RSPH10B2: variants seen among roughly 807,000 people sequenced by gnomAD.
The protein encoded by RSPH10B2 is radial spoke head 10 homolog B2 (Chlamydomonas).
RSPH10B2 carries 9 observed loss-of-function variants against 49.0 expected under a neutral mutation model. The observed-to-expected ratio is 0.18, with a 90% CI of 0.11 to 0.32. The LOEUF (loss-of-function observed/expected upper bound fraction) is 0.32. RSPH10B2 is among the 10% of genes least tolerant of loss of function. RSPH10B2 has a pLI of 1.00. For synonymous variants in RSPH10B2, 35 were observed against 210.2 expected (o/e 0.17, Z 7.21); for missense variants, 95 against 589.9 (o/e 0.16, Z 8.69).
chr7:6,758,128 C>T (rs1434099551), intron 1 of RSPH10B2, among the ~76,000 whole-genome samples, 197 bp downstream of exon 3: 1 of 148,494 alleles, frequency 6.7e-6, no homozygotes, highest in Admixed American at 6.7e-5. Flanking sequence ...TACAGGTGCC[C>T]GCCACCATGC....
chr7:6,756,142 T>A (rs1347397022), upstream of RSPH10B2, among the ~76,000 whole-genome samples: 22 of 142,768 alleles, frequency 1.5e-4, no homozygotes, highest in Non-Finnish European at 2.8e-4. Context: ...TGGTGGTGGG[T>A]GCCTGTAGTC....
intron 13 of RSPH10B2, among the ~76,000 whole-genome samples, 154 bp from the exon 16 acceptor site, chr7:6,785,795 A>G (rs1230427875): frequency 2.0e-5 from 3 of 151,692 alleles, no homozygotes; most frequent in Non-Finnish European, 4.4e-5. Context: ...ACTGCCTAGC[A>G]GCCTGGGCGA....
chr7:6,756,092 C>T (rs1256355434), upstream of RSPH10B2, among the ~76,000 whole-genome samples: 2 of 150,464 alleles, frequency 1.3e-5, no homozygotes, highest in Non-Finnish European at 2.9e-5. Flanking sequence ...CCCGGTGAAA[C>T]CCCGTCTCTA....
At chr7:6,796,215 G>A (rs1410919995) in intron 17 of RSPH10B2, among the ~76,000 whole-genome samples, 1 of 116,236 alleles carries the variant, frequency 8.6e-6, no homozygotes, top group Non-Finnish European at 1.8e-5. Context: ...TCGGGAGGCT[G>A]AGGCATGAGA....
intron 9 of RSPH10B2, among the ~76,000 whole-genome samples, chr7:6,774,920 CT>C (rs1781723697): frequency 6.6e-6 from 1 of 151,184 alleles, no homozygotes; most frequent in Admixed American, 6.6e-5. Context: ...GCACTTGCTA[CT>C]GTGTCTGGTT....
chr7:6,772,036 AG>A (rs1233853269), intron 8 of RSPH10B2, among the ~76,000 whole-genome samples: 4 of 141,194 alleles, frequency 2.8e-5, no homozygotes, highest in African/African-American at 1.0e-4. Context: ...AAAAAAAAAA[AG>A]AAATAAAATT....
chr7:6,760,448 TG>T (rs1781226646), intron 3 of RSPH10B2, among the ~76,000 whole-genome samples, 154 bp downstream of exon 5: 1 of 90,104 alleles, frequency 1.1e-5, no homozygotes, highest in Admixed American at 1.3e-4. Context: ...CATGACTGCA[TG>T]GGACCCGCCA....
chr7:6,786,361 T>G (rs1295604179), intron 14 of RSPH10B2, among the ~76,000 whole-genome samples: 2 of 123,612 alleles, frequency 1.6e-5, no homozygotes, highest in Non-Finnish European at 3.3e-5. Context: ...TTTTTTTTTT[T>G]TTGTATTTTT....
chr7:6,781,883 T>A (rs1374005616), intron 13 of RSPH10B2, among the ~76,000 whole-genome samples: 4 of 108,322 alleles, frequency 3.7e-5, no homozygotes, highest in Non-Finnish European at 7.4e-5. Flanking sequence ...TATATATATA[T>A]AAATATATAT....
At position 6,797,420 on chromosome 7, in the gene RSPH10B2, C is replaced by T. The variant is rs370441401; in HGVS notation, c.2432+654C>T. 7.6e-4 allele frequency among the ~76,000 whole-genome samples: 115 copies of T among 152,316 alleles called. No homozygotes were observed. In the East Asian group the frequency reaches 0.014, roughly 19 times the overall value. The stretch of plus-strand genomic sequence containing the variant: ...GGCCCTCGATAGCTTCTCGCTGGAG[C>T]TGGTTGCCAGGAAACCAACCACGAG... On this transcript the variant is annotated intron_variant, in intron 18 of 18. Transcript: ENST00000297186.
chr7:6,785,180 TGTGTGTGTGTG>T (rs1321545167), intron 13 of RSPH10B2, among the ~76,000 whole-genome samples: 2 of 111,908 alleles, frequency 1.8e-5, no homozygotes, highest in African/African-American at 6.5e-5. Context: ...TGTGTGTGTG[TGTGTGTGTGTG>T]TTTGAGACAG....
At chr7:6,764,740 T>G (rs1781403114) in intron 4 of RSPH10B2, among the ~76,000 whole-genome samples, 1 of 145,018 alleles carries the variant, frequency 6.9e-6, no homozygotes. Context: ...GTGTGTGTGT[T>G]TTACAGCAGA....
chr7:6,782,589 C>T (rs1485596546), intron 13 of RSPH10B2, among the ~76,000 whole-genome samples: 1 of 120,132 alleles, frequency 8.3e-6, no homozygotes, highest in Non-Finnish European at 1.7e-5. Flanking sequence ...GTTGCCTGAT[C>T]CTAGAATAGC....
At chr7:6,777,781 G>GT (rs1781802700) in intron 10 of RSPH10B2, among the ~76,000 whole-genome samples, 1 of 127,224 alleles carries the variant, frequency 7.9e-6, no homozygotes. Context: ...TGCCAAAAAG[G>GT]TTGGGGACCT....
chr7:6,791,743 CAAAAA>C (rs146980235), intron 16 of RSPH10B2, among the ~76,000 whole-genome samples, 156 bp from the exon 19 acceptor site: 4 of 27,382 alleles, frequency 1.5e-4, no homozygotes, highest in African/African-American at 5.0e-4. Flanking sequence ...GACTCTGTCT[CAAAAA>C]AAAAAAAAAA....
intron 6 of RSPH10B2, among the ~76,000 whole-genome samples, chr7:6,768,094 A>AGGTG (rs1781517882): frequency 7.8e-6 from 1 of 128,710 alleles, no homozygotes. Context: ...TGGGAGGCTG[A>AGGTG]GGATCACTTG....
At chr7:6,776,902 C>CACACAA (rs1781763822) in intron 10 of RSPH10B2, among the ~76,000 whole-genome samples, 1 of 141,170 alleles carries the variant, frequency 7.1e-6, no homozygotes, top group African/African-American at 2.6e-5. Flanking sequence ...CACACACACA[C>CACACAA]ACACACACAC....
intron 17 of RSPH10B2, among the ~76,000 whole-genome samples, chr7:6,793,317 A>T (rs183161656): frequency 0.016 from 1,803 of 114,638 alleles, 488 homozygotes; most frequent in African/African-American, 0.059. Context: ...GTCCCAAAGC[A>T]CTGGGATTAC....
intron 17 of RSPH10B2, among the ~76,000 whole-genome samples, chr7:6,793,063 ATT>A (rs778318872): frequency 3.9e-4 from 25 of 64,802 alleles, no homozygotes; most frequent in Non-Finnish European, 2.5e-4. Flanking sequence ...GCCCCTGGGC[ATT>A]TTTTTTTTTT....
Sources: gnomAD v4.1 joint callset for allele counts (sites outside exome capture counted in the v4.1 genomes callset) on GRCh38, gnomAD v4.1.1 for gene constraint, MANE v1.5 for transcripts, NCBI Gene and HGNC (gene_info 2026-07-23, HGNC 2026-07-21) for gene names.